GPC6: variants seen among roughly 807,000 people sequenced by gnomAD.
GPC6 encodes the protein glypican-6.
In GPC6, 14 loss-of-function variants were observed where a neutral mutation model predicts 55.2. The ratio of observed to expected loss-of-function variants is 0.25; its 90% CI spans 0.17 to 0.40. GPC6 has a LOEUF of 0.40. Among genes scored for constraint, GPC6 ranks in the 10% least tolerant of loss-of-function variants. The pLI is 1.00. For synonymous variants in GPC6, 278 were observed against 259.6 expected, an observed-to-expected ratio of 1.07 and a Z score of -0.68; for missense variants, 641 against 708.5, an observed-to-expected ratio of 0.90 and a Z score of 1.08.
chr13:93,702,944 A>G (rs1230304758), intron 2 of GPC6, among the ~76,000 whole-genome samples: 1 of 151,858 alleles, frequency 6.6e-6, no homozygotes, highest in Non-Finnish European at 1.5e-5. Flanking sequence ...AGGCTGTTTC[A>G]CTTTCTTGTC....
chr13:93,498,658 G>A (rs1019736746), intron 1 of GPC6, among the ~76,000 whole-genome samples: 2 of 151,942 alleles, frequency 1.3e-5, no homozygotes, highest in Admixed American at 6.6e-5. Flanking sequence ...TTCATTTCCC[G>A]CCATGAATCT....
chr13:94,140,952 G>T (rs1457820367), intron 4 of GPC6, among the ~76,000 whole-genome samples: 5 of 151,734 alleles, frequency 3.3e-5, no homozygotes, highest in Non-Finnish European at 2.9e-5. Context: ...TATATAAATA[G>T]ATGTAGGCAT....
At chr13:93,488,812 G>C (rs886840569) in intron 1 of GPC6, among the ~76,000 whole-genome samples, 14 of 152,060 alleles carry the variant, frequency 9.2e-5, no homozygotes, top group African/African-American at 2.7e-4. Context: ...CTTTTTGATG[G>C]GGTTGTTTGT....
At chr13:94,347,779 CA>C (rs943819259) in intron 6 of GPC6, among the ~76,000 whole-genome samples, 1 of 152,142 alleles carries the variant, frequency 6.6e-6, no homozygotes, top group Non-Finnish European at 1.5e-5. Flanking sequence ...TAAAGCTACA[CA>C]AAAAACTGCA....
At chr13:94,010,954 G>A (rs1882221177) in intron 3 of GPC6, among the ~76,000 whole-genome samples, 1 of 152,106 alleles carries the variant, frequency 6.6e-6, no homozygotes, top group Non-Finnish European at 1.5e-5. Context: ...AAATGGACAA[G>A]AGCATCATAT....
intron 1 of GPC6, among the ~76,000 whole-genome samples, chr13:93,496,978 A>T (rs1201383975): frequency 1.3e-5 from 2 of 152,174 alleles, no homozygotes; most frequent in East Asian, 3.9e-4. Flanking sequence ...AGGATTATGA[A>T]CACCAACCCA....
At chr13:93,534,882 G>A (rs1881997250) in intron 1 of GPC6, among the ~76,000 whole-genome samples, 1 of 152,074 alleles carries the variant, frequency 6.6e-6, no homozygotes, top group African/African-American at 2.4e-5. Context: ...TCTGTAAAAA[G>A]GTGGGGACCC....
chr13:94,393,536 G>T (rs1288667232), intron 7 of GPC6, among the ~76,000 whole-genome samples: 2 of 152,136 alleles, frequency 1.3e-5, no homozygotes, highest in Non-Finnish European at 2.9e-5. Flanking sequence ...CTCATTTGTG[G>T]CAACAAACAG....
At chr13:93,558,335 C>T (rs1298809722) in intron 2 of GPC6, among the ~76,000 whole-genome samples, 1 of 152,124 alleles carries the variant, frequency 6.6e-6, no homozygotes, top group Admixed American at 6.5e-5. Context: ...CCTATAGAGC[C>T]ACTTAGATAA....
intron 4 of GPC6, among the ~76,000 whole-genome samples, chr13:94,071,148 T>A (rs1458571476): frequency 6.6e-6 from 1 of 152,206 alleles, no homozygotes; most frequent in Non-Finnish European, 1.5e-5. Context: ...AAGTCTTCTC[T>A]CCATTTTCCA....
chr13:93,930,376 A>G (rs1878105073), intron 3 of GPC6, among the ~76,000 whole-genome samples: 1 of 148,774 alleles, frequency 6.7e-6, no homozygotes, highest in Non-Finnish European at 1.5e-5. Flanking sequence ...GGTTCAAGTG[A>G]TTCTCCTGCT....
intron 4 of GPC6, among the ~76,000 whole-genome samples, chr13:94,103,808 A>T (rs1885952445): frequency 6.6e-6 from 1 of 152,134 alleles, no homozygotes; most frequent in Non-Finnish European, 1.5e-5. Context: ...GGTAGATTGC[A>T]AAAATTTTCT....
In GPC6 at chr13:94,273,313, A is replaced by C. The variant is rs541397719; in HGVS notation, c.878-13036A>C. ...CTCTGGGGGAGCAGAAAGACCATCT[A>C]AGCTGTTAAGGATTCAAAGTAACTC... On this transcript the variant is annotated intron_variant, in intron 4 of 8. Coordinates refer to ENST00000377047, the MANE Select transcript of GPC6 (RefSeq NM_005708.5). Among the ~76,000 whole-genome samples the C allele has an allele frequency of 9.2e-5, 14 of 152,272 alleles. No individual in the cohort carries two copies. The South Asian group carries it at 2.9e-3, about 32-fold the overall frequency.
chr13:94,009,633 C>G (rs994866009), intron 3 of GPC6, among the ~76,000 whole-genome samples: 3 of 152,094 alleles, frequency 2.0e-5, no homozygotes, highest in Non-Finnish European at 4.4e-5. Context: ...GTACACGTCT[C>G]CCTAAGAAAA....
chr13:94,371,581 G>T (rs1312193851), intron 6 of GPC6, among the ~76,000 whole-genome samples: 2 of 152,062 alleles, frequency 1.3e-5, no homozygotes, highest in African/African-American at 4.8e-5. Context: ...TGCACGTGAG[G>T]GCCTCAGCTC....
chr13:93,658,244 ATTTCTC>A (rs1880769975), intron 2 of GPC6, among the ~76,000 whole-genome samples: 2 of 151,920 alleles, frequency 1.3e-5, no homozygotes, highest in Non-Finnish European at 2.9e-5. Context: ...GCACTGATCT[ATTTCTC>A]TTACAATTCA....
rs9589715 is a variant in GPC6 at position 93,357,733 on chromosome 13, G to C, written c.160+130117G>C. Among the ~76,000 whole-genome samples, 605 of 152,268 alleles carry C rather than the reference G, an allele frequency of 4.0e-3. 9 individuals carry two copies. Among genetic ancestry groups the C allele is most frequent in the African/African-American group, 0.014 (570 of 41,550 alleles). On this transcript the variant is annotated intron_variant, in intron 1 of 8. Coordinates refer to ENST00000377047, the MANE Select transcript of GPC6 (RefSeq NM_005708.5). ...GCCTGTGGTCCCAGCTACTCAGGAG[G>C]CTGAGGCTGGAGGATCGCTTGAGTC...
At chr13:93,729,030 A>G (rs1306554733) in intron 2 of GPC6, among the ~76,000 whole-genome samples, 1 of 152,214 alleles carries the variant, frequency 6.6e-6, no homozygotes, top group Non-Finnish European at 1.5e-5. Context: ...GAGTCTAAGT[A>G]TTAAGTATTA....
chr13:94,103,194 T>C lies in GPC6; in HGVS notation c.877+75300T>C, dbSNP rs533575664. On this transcript the variant is annotated intron_variant, in intron 4 of 8. Coordinates refer to ENST00000377047, the MANE Select transcript of GPC6 (RefSeq NM_005708.5). ...GAATGATGGTTTCCAGCTTCATCCA[T>C]GTCCCTACAAAGGACATGAACTCAT... is the stretch of plus-strand genomic sequence containing the variant. Among the ~76,000 whole-genome samples, 329 of 152,330 alleles carry C rather than the reference T, an allele frequency of 2.2e-3. 1 individual carries two copies. Among genetic ancestry groups the C allele is most frequent in the Non-Finnish European group, 3.4e-3 (233 of 68,036 alleles).
Sources: gnomAD v4.1 joint callset for allele counts (sites outside exome capture counted in the v4.1 genomes callset) on GRCh38, gnomAD v4.1.1 for gene constraint, MANE v1.5 for transcripts, NCBI Gene and HGNC (gene_info 2026-07-23, HGNC 2026-07-21) for gene names.